STAT1: variants seen among roughly 807,000 people sequenced by gnomAD.
The protein encoded by STAT1 is signal transducer and activator of transcription 1-alpha/beta.
A neutral mutation model predicts 111.7 loss-of-function variants in STAT1; 24 were observed. The ratio of observed to expected loss-of-function variants is 0.21; its 90% CI spans 0.16 to 0.30. The LOEUF (loss-of-function observed/expected upper bound fraction) is 0.30. STAT1 is among the 10% of genes least tolerant of loss of function. The probability of loss-of-function intolerance (pLI) is 1.00; values close to 1 mark genes in which losing one functional copy is unlikely to be tolerated. For synonymous variants in STAT1, 332 were observed against 326.5 expected (o/e 1.02, Z -0.18); for missense variants, 351 against 911.9 (o/e 0.38, Z 7.92).
chr2:190,985,879 T>G (rs1692769005), intron 14 of STAT1, among the ~76,000 whole-genome samples: 1 of 152,230 alleles, frequency 6.6e-6, no homozygotes, highest in South Asian at 2.1e-4. Flanking sequence ...TGGAGGGATC[T>G]CTTGGAATCA....
Position 190,970,772 on chromosome 2 carries a change from A to C in STAT1, c.2239-55T>G. The C allele has an allele frequency of 6.6e-7, 1 of 1,507,350 alleles. No individual in the cohort carries two copies. Among genetic ancestry groups the C allele is most frequent in the South Asian group, 1.1e-5 (1 of 88,828 alleles). 93.4% of individuals were successfully genotyped at this position (1,507,350 alleles called of 1,614,324 possible). On this transcript the variant is annotated intron_variant, in intron 24 of 24. Coordinates refer to ENST00000361099, the MANE Select transcript of STAT1 (RefSeq NM_007315.4). The surrounding 1 kb of genome is among the most constrained non-coding windows in gnomAD (Gnocchi z 5.4). ...ATTACACTGATCTTGTGAAATGCAG[A>C]CTCATACATTAAACATTGCTTGTCT...
chr2:190,985,233 T>A (rs1384206071), intron 15 of STAT1, among the ~76,000 whole-genome samples: 1 of 152,222 alleles, frequency 6.6e-6, no homozygotes, highest in East Asian at 1.9e-4. Flanking sequence ...AAAAGCCCTC[T>A]TGGCACACAG....
In STAT1 at chr2:190,971,876, C is replaced by A. The variant is rs1197435745; in HGVS notation, c.2239-1159G>T. Among the ~76,000 whole-genome samples the A allele has an allele frequency of 2.0e-5, 3 of 152,046 alleles. No homozygotes were observed. Among genetic ancestry groups the A allele is most frequent in the African/African-American group, 7.2e-5 (3 of 41,394 alleles). ...TACAGGCACACACCACCATGGCTGG[C>A]TAATTTTTGTATTTTTAGTAGAGAT... On this transcript the variant is annotated intron_variant, in intron 24 of 24. Coordinates refer to ENST00000361099, the MANE Select transcript of STAT1 (RefSeq NM_007315.4). This position sits in a 1 kb window ranked among gnomAD's most constrained non-coding sequence, Gnocchi z 4.1.
rs1692604758 is a variant in STAT1, at chr2:190,984,218, C to T, written c.1347+92G>A. 4 of 1,049,392 alleles carry T rather than the reference C, an allele frequency of 3.8e-6. No homozygotes were observed. The African/African-American group carries it at 6.3e-5, about 17-fold the overall frequency. 65.0% of individuals were successfully genotyped at this position (1,049,392 alleles called of 1,614,324 possible). A position where few individuals can be genotyped will look rare whatever the true frequency, so the allele number is the denominator to read the frequency against. On this transcript the variant is annotated intron_variant, in intron 16 of 24. Transcript: ENST00000361099. The surrounding 1 kb of genome is among the most constrained non-coding windows in gnomAD (Gnocchi z 5.2). ...TCATTTTAAAACAATTAGGTAAATACCTCCAGAACAAACACTGAGAAATAA... is the reference window on the plus strand; with the variant it reads ...TCATTTTAAAACAATTAGGTAAATATCTCCAGAACAAACACTGAGAAATAA...
intron 10 of STAT1, chr2:190,992,751 G>A: frequency 2.4e-6 from 2 of 840,276 alleles, no homozygotes; most frequent in Admixed American, 3.2e-5. Flanking sequence ...AATCTCAGCT[G>A]CCATCATCAT....
Position 190,980,629 on chromosome 2 carries a change from C to T in STAT1, c.1623G>A (p.Arg541=). 5 of 1,614,186 alleles carry T rather than the reference C, an allele frequency of 3.1e-6. No homozygotes were observed. The highest frequency in any genetic ancestry group is 4.2e-6 in the Non-Finnish European group (5 of 1,180,038). ...CCCAGACAGTCCTCACCTTACAAAA[C>T]CTCGTCCACGGAATGAGACCATCGG... The part of the protein sequence containing the change: ...ASPDGLIPWT[R]FCKENINDKN... Residue 541 remains arginine (R), a synonymous_variant, in exon 19 of 25, where the codon AGG becomes AGA. Coordinates refer to ENST00000361099, the MANE Select transcript of STAT1 (RefSeq NM_007315.4). This position sits in a 1 kb window ranked among gnomAD's most constrained non-coding sequence, Gnocchi z 6.1.
chr2:191,001,396 C>G (rs186614403), intron 5 of STAT1, among the ~76,000 whole-genome samples: 2 of 152,318 alleles, frequency 1.3e-5, no homozygotes, highest in East Asian at 3.9e-4. Flanking sequence ...AACAGTATTT[C>G]TGGGAGTTTC....
rs2125001971 is a variant in STAT1, at chr2:190,977,362, GTGGATCA to G, written c.1874-344_1874-338del. On this transcript the variant is annotated intron_variant, in intron 21 of 24. Coordinates refer to ENST00000361099, the MANE Select transcript of STAT1 (RefSeq NM_007315.4). This position sits in a 1 kb window ranked among gnomAD's most constrained non-coding sequence, Gnocchi z 4.7. ...AGGCACATAAATAACTTACTACTAA[GTGGATCA>G]TCTTGGCTTAAGCCACAGATTTAAA... is the stretch of plus-strand genomic sequence containing the variant. 6.6e-6 allele frequency among the ~76,000 whole-genome samples: 1 copy of G among 152,266 alleles called. No homozygotes were observed. The highest frequency in any genetic ancestry group is 2.1e-4 in the South Asian group (1 of 4,832).
chr2:191,001,900 T>G (rs868663201), intron 5 of STAT1, among the ~76,000 whole-genome samples: 3 of 152,212 alleles, frequency 2.0e-5, no homozygotes, highest in Admixed American at 6.5e-5. Context: ...CCTGTTCTCA[T>G]AGAGATTAAA....
chr2:190,969,179 C>A lies in STAT1; in HGVS notation c.*1524G>T, dbSNP rs987641912. On this transcript the variant is annotated 3_prime_UTR_variant, in exon 25 of 25. Transcript: ENST00000361099. ...AACAATATTGTTTTAATGTTGTCTT[C>A]TTTGTTTTTTAGTCATTTCAATTGT... 1 of 150,482 alleles carries A rather than the reference C, an allele frequency of 6.6e-6. No individual in the cohort carries two copies. Among genetic ancestry groups the A allele is most frequent in the African/African-American group, 2.5e-5 (1 of 39,912 alleles). 9.3% of individuals were successfully genotyped at this position (150,482 alleles called of 1,614,324 possible).
chr2:190,998,180 C>T lies in STAT1; in HGVS notation c.633+37G>A, dbSNP rs1693992525. On this transcript the variant is annotated intron_variant, in intron 8 of 24. Transcript: ENST00000361099. The surrounding 1 kb of genome is among the most constrained non-coding windows in gnomAD (Gnocchi z 4.1). Reference sequence around the variant, plus strand: ...TGAGTCCATTATTTACAGTGTATAACAAAAGTGGCATGCTATTCTGGAAAG... The same window carrying T: ...TGAGTCCATTATTTACAGTGTATAATAAAAGTGGCATGCTATTCTGGAAAG... The T allele has an allele frequency of 1.3e-6, 2 of 1,592,720 alleles. No individual in the cohort carries two copies.
At chr2:190,992,241 G>C (rs554073826) in intron 10 of STAT1, among the ~76,000 whole-genome samples, 1 of 152,094 alleles carries the variant, frequency 6.6e-6, no homozygotes, top group African/African-American at 2.4e-5. Context: ...TAAACTTTAC[G>C]CATGGAAAGT....
In STAT1 at chr2:190,984,426, T is replaced by C. The variant is rs778503012; in HGVS notation, c.1264-33A>G. On this transcript the variant is annotated intron_variant, in intron 15 of 24. Transcript: ENST00000361099. The surrounding 1 kb of genome is among the most constrained non-coding windows in gnomAD (Gnocchi z 5.2). ...GAGAAAAGGAAAGAAGAAAAGAATA[T>C]AATTATTCACAGATCCTAAAACTTT... 6.4e-6 allele frequency: 10 copies of C among 1,551,342 alleles called. No individual in the cohort carries two copies. The highest frequency in any genetic ancestry group is 7.1e-6 in the Non-Finnish European group (8 of 1,124,424).
At chr2:190,991,382 A>G in intron 10 of STAT1, 62 bp from the exon 11 acceptor site, 1 of 1,523,392 alleles carries the variant, frequency 6.6e-7, no homozygotes, top group Non-Finnish European at 9.1e-7. Context: ...GGCAATCACA[A>G]TGATTTTCCT....
intron 4 of STAT1, 69 bp downstream of exon 4, chr2:191,008,894 C>T: frequency 6.5e-7 from 1 of 1,546,892 alleles, no homozygotes; most frequent in Non-Finnish European, 8.8e-7. Flanking sequence ...ATTGTATTTG[C>T]TGAATGAAGA....
rs565774912 is a variant in STAT1, at chr2:190,986,784, A to G, written c.1221+70T>C. 2.5e-4 allele frequency: 376 copies of G among 1,480,776 alleles called. No homozygotes were observed. Among genetic ancestry groups the G allele is most frequent in the Admixed American group, 3.7e-4 (22 of 59,812 alleles). 91.7% of individuals were successfully genotyped at this position (1,480,776 alleles called of 1,614,324 possible). The stretch of plus-strand genomic sequence containing the variant: ...CGTCCTCCACATGGCAATGTGCCAA[A>G]AAGGGCTGCTCTATTGTCAAAAGTC... On this transcript the variant is annotated intron_variant, in intron 14 of 24. Coordinates refer to ENST00000361099, the MANE Select transcript of STAT1 (RefSeq NM_007315.4). The surrounding 1 kb of genome is among the most constrained non-coding windows in gnomAD (Gnocchi z 5.0).
At chr2:190,972,450 G>C (rs1691563713) in intron 24 of STAT1, among the ~76,000 whole-genome samples, 1 of 152,136 alleles carries the variant, frequency 6.6e-6, no homozygotes, top group Non-Finnish European at 1.5e-5. Flanking sequence ...ATTTCCTCAG[G>C]AGCCTATGGT....
chr2:190,980,247 A>G lies in STAT1; in HGVS notation c.1632+373T>C, dbSNP rs1692267097. 6.6e-6 allele frequency among the ~76,000 whole-genome samples: 1 copy of G among 152,224 alleles called. No individual in the cohort carries two copies. Among genetic ancestry groups the G allele is most frequent in the Non-Finnish European group, 1.5e-5 (1 of 68,036 alleles). ...CCAGCAGAATCTAAATGTTCCCCGC[A>G]GTGGGCCCCTCTGCTCGAGCAGGCC... On this transcript the variant is annotated intron_variant, in intron 19 of 24. Coordinates refer to ENST00000361099, the MANE Select transcript of STAT1 (RefSeq NM_007315.4). This position sits in a 1 kb window ranked among gnomAD's most constrained non-coding sequence, Gnocchi z 6.1.
chr2:190,982,231 C>T lies in STAT1; in HGVS notation c.1582+152G>A, dbSNP rs1287394398. On this transcript the variant is annotated intron_variant, in intron 18 of 24. Coordinates refer to ENST00000361099, the MANE Select transcript of STAT1 (RefSeq NM_007315.4). The surrounding 1 kb of genome is among the most constrained non-coding windows in gnomAD (Gnocchi z 7.3). ...TTTCTTTCTAAGGTGACATATGATTCTCACTTAGCTATAATAAACTATAGC... is the reference window on the plus strand; with the variant it reads ...TTTCTTTCTAAGGTGACATATGATTTTCACTTAGCTATAATAAACTATAGC... 1.2e-6 allele frequency: 1 copy of T among 839,120 alleles called. No individual in the cohort carries two copies. Among genetic ancestry groups the T allele is most frequent in the Non-Finnish European group, 1.9e-6 (1 of 514,074 alleles). 52.0% of individuals were successfully genotyped at this position (839,120 alleles called of 1,614,324 possible). A position where few individuals can be genotyped will look rare whatever the true frequency, so the allele number is the denominator to read the frequency against.
Sources: allele counts gnomAD v4.1 joint callset (sites outside exome capture counted in the v4.1 genomes callset), GRCh38; gene constraint gnomAD v4.1.1; non-coding constraint Gnocchi (gnomAD v3.1); transcripts MANE v1.5; gene names NCBI Gene and HGNC (gene_info 2026-07-23, HGNC 2026-07-21).